The following RASA4 variants were observed in gnomAD, a reference collection of about 807,000 sequenced individuals.
The protein encoded by RASA4 is ras GTPase-activating protein 4.
A neutral mutation model predicts 24.0 loss-of-function variants in RASA4; 5 were observed. That is an observed-to-expected ratio of 0.21 (90% CI 0.11 to 0.44). The LOEUF is 0.44. Ranked by LOEUF, RASA4 falls within the 20% of genes least tolerant of loss-of-function variation. The pLI is 0.99. For synonymous variants in RASA4, 9 were observed against 132.7 expected, an observed-to-expected ratio of 0.07 and a Z score of 6.41; for missense variants, 38 against 293.0, an observed-to-expected ratio of 0.13 and a Z score of 6.35.
At chr7:102,603,616 T>C (rs1790467488) in intron 5 of RASA4, among the ~76,000 whole-genome samples, 1 of 152,346 alleles carries the variant, frequency 6.6e-6, no homozygotes, top group Non-Finnish European at 1.5e-5. Context: ...AGCCCACTCA[T>C]CTTTGATATT....
chr7:102,598,375 A>ATATATT (rs1790326364), intron 8 of RASA4, among the ~76,000 whole-genome samples: 1 of 127,846 alleles, frequency 7.8e-6, no homozygotes. Context: ...ATATATATAT[A>ATATATT]TTCACTTTTA....
chr7:102,606,735 C>A (rs1163318221), intron 4 of RASA4, among the ~76,000 whole-genome samples: 1 of 93,038 alleles, frequency 1.1e-5, no homozygotes, highest in Non-Finnish European at 2.6e-5. Flanking sequence ...AAACTCCTGA[C>A]CTCAAGCCAT....
At chr7:102,603,926 G>C (rs1790491495) in intron 5 of RASA4, among the ~76,000 whole-genome samples, 1 of 151,078 alleles carries the variant, frequency 6.6e-6, no homozygotes, top group African/African-American at 2.4e-5. Flanking sequence ...ACTTTGGGAG[G>C]CCGAGGCAGG....
At chr7:102,590,831 T>C (rs1789952966) in intron 16 of RASA4, among the ~76,000 whole-genome samples, 1 of 141,126 alleles carries the variant, frequency 7.1e-6, no homozygotes, top group Admixed American at 6.9e-5. Context: ...TCCCAGCTAC[T>C]TGGGAGGCTG....
intron 5 of RASA4, among the ~76,000 whole-genome samples, chr7:102,604,215 C>T (rs1586850891): frequency 6.7e-6 from 1 of 150,148 alleles, no homozygotes; most frequent in Admixed American, 6.7e-5. Flanking sequence ...GAGAATCTCC[C>T]CAGAAAAAAT....
At chr7:102,584,632 G>GT (rs1428071481) in intron 18 of RASA4, among the ~76,000 whole-genome samples, 1 of 9,438 alleles carries the variant, frequency 1.1e-4, no homozygotes, top group African/African-American at 1.4e-4. Flanking sequence ...GTAACTTTTG[G>GT]TTTTTTTTGA....
Position 102,591,836 on chromosome 7 carries a change from C to A in RASA4, c.1830+449G>T, listed in dbSNP as rs1384778843. ...AGGTCGGATCAACTTCCTCCATATTCATTTTTTTTTTTTTTGAGATGGAGT... is the reference window on the plus strand; with the variant it reads ...AGGTCGGATCAACTTCCTCCATATTAATTTTTTTTTTTTTTGAGATGGAGT... On this transcript the variant is annotated intron_variant, in intron 16 of 20. Coordinates refer to ENST00000262940, the MANE Select transcript of RASA4 (RefSeq NM_006989.6). 2.2e-5 allele frequency among the ~76,000 whole-genome samples: 3 copies of A among 138,418 alleles called. No individual in the cohort carries two copies. In the East Asian group the frequency reaches 6.1e-4, roughly 28 times the overall value. The allele number at this position is 138,418 out of a possible 152,430, so 90.8% of individuals were successfully genotyped here.
chr7:102,597,757 G>T (rs1402396326), intron 8 of RASA4, among the ~76,000 whole-genome samples: 1 of 132,530 alleles, frequency 7.5e-6, no homozygotes, highest in South Asian at 3.1e-4. Context: ...TCTTGTCACC[G>T]AGGCTGGAGT....
At chr7:102,610,355 C>T (rs1790784955) in intron 2 of RASA4, among the ~76,000 whole-genome samples, 1 of 133,632 alleles carries the variant, frequency 7.5e-6, no homozygotes, top group African/African-American at 2.7e-5. Context: ...CCGAGTAGGC[C>T]ACGGGCACTC....
chr7:102,595,772 G>GGATCTCC lies in RASA4; in HGVS notation c.867_868insGGAGATC (p.Leu290GlyfsTer50). Reference sequence around the variant, plus strand: ...GTTGTCTCCTCGATGAGTGGGATCAGCTGCCCTGGGCCCTGCAGGGAGAGG... The same window carrying GGATCTCC: ...GTTGTCTCCTCGATGAGTGGGATCAGGATCTCCCTGCCCTGGGCCCTGCAGGGAGAGG... On this transcript the variant is annotated frameshift_variant, in exon 10 of 21. Coordinates refer to ENST00000262940, the MANE Select transcript of RASA4 (RefSeq NM_006989.6). LOFTEE classifies it high-confidence loss of function. 14 of 1,292,776 alleles carry GGATCTCC rather than the reference G, an allele frequency of 1.1e-5. No individual in the cohort carries two copies. Among genetic ancestry groups the GGATCTCC allele is most frequent in the Non-Finnish European group, 1.4e-5 (14 of 968,662 alleles). 80.1% of individuals were successfully genotyped at this position (1,292,776 alleles called of 1,614,324 possible). A position where few individuals can be genotyped will look rare whatever the true frequency, so the allele number is the denominator to read the frequency against.
chr7:102,591,838 T>G (rs1308865419), intron 16 of RASA4, among the ~76,000 whole-genome samples: 3 of 58,364 alleles, frequency 5.1e-5, no homozygotes, highest in Non-Finnish European at 9.4e-5. Context: ...TCCATATTCA[T>G]TTTTTTTTTT....
chr7:102,591,042 G>A (rs1480425365), intron 16 of RASA4, among the ~76,000 whole-genome samples: 1 of 135,818 alleles, frequency 7.4e-6, no homozygotes, highest in Non-Finnish European at 1.6e-5. Context: ...GAGTGCTTTG[G>A]GAGGCTGGGG....
intron 18 of RASA4, chr7:102,587,271 T>G (rs1586833408): frequency 4.3e-5 from 9 of 209,570 alleles, no homozygotes; most frequent in African/African-American, 2.1e-4. Flanking sequence ...CCCTGGGAGG[T>G]GGAGATTGCA....
intron 18 of RASA4, 190 bp downstream of exon 18, chr7:102,587,445 A>T: frequency 4.3e-6 from 1 of 233,872 alleles, no homozygotes. Context: ...TGCATCACAC[A>T]CATCACGTGG....
rs372805684 is a variant in RASA4 at position 102,608,276 on chromosome 7, T to TTTAA, written c.298+484_298+485insTTAA. 3.7e-3 allele frequency among the ~76,000 whole-genome samples: 233 copies of TTTAA among 63,508 alleles called. 3 individuals are homozygous for TTTAA. The highest frequency in any genetic ancestry group is 0.012 in the African/African-American group (187 of 15,838). 41.7% of individuals were successfully genotyped at this position (63,508 alleles called of 152,430 possible). ...GAGCCACCGTGCCCGGCCTTTTTTT[T>TTTAA]AAAAAAAAACTATATAAAAATTGTA... On this transcript the variant is annotated intron_variant, in intron 4 of 20. Coordinates refer to ENST00000262940, the MANE Select transcript of RASA4 (RefSeq NM_006989.6).
chr7:102,599,636 AAAATAAATAAAT>A (rs1215978100), intron 8 of RASA4, among the ~76,000 whole-genome samples: 1 of 146,316 alleles, frequency 6.8e-6, no homozygotes, highest in Admixed American at 6.8e-5. Context: ...ACTCCATCTC[AAAATAAATAAAT>A]AAATAAATAA....
chr7:102,585,849 GTTTTTTTGTTTTT>G (rs1416450074), intron 18 of RASA4, among the ~76,000 whole-genome samples: 2 of 133,398 alleles, frequency 1.5e-5, no homozygotes, highest in African/African-American at 5.3e-5. Context: ...TTTTTTTTTT[GTTTTTTTGTTTTT>G]TTTTTTTTGA....
chr7:102,599,579 G>A (rs1790359539), intron 8 of RASA4, among the ~76,000 whole-genome samples: 1 of 137,590 alleles, frequency 7.3e-6, no homozygotes, highest in African/African-American at 2.6e-5. Context: ...GGAGCCTGCA[G>A]TGAGTCGAGA....
At chr7:102,599,506 G>C (rs879761965) in intron 8 of RASA4, among the ~76,000 whole-genome samples, 2 of 58,536 alleles carry the variant, frequency 3.4e-5, no homozygotes, top group Non-Finnish European at 7.1e-5. Context: ...GCGCGGTGGC[G>C]GGTGCCTGTA....
Sources: gnomAD v4.1 joint callset for allele counts (sites outside exome capture counted in the v4.1 genomes callset) on GRCh38, gnomAD v4.1.1 for gene constraint, MANE v1.5 for transcripts, NCBI Gene and HGNC (gene_info 2026-07-23, HGNC 2026-07-21) for gene names.